Variants in EME2 observed in about 807,000 individuals in gnomAD.
The protein encoded by EME2 is structure-specific endonuclease subunit EME2.
In EME2, 58 loss-of-function variants were observed where a neutral mutation model predicts 41.9. The ratio of observed to expected loss-of-function variants is 1.38; its 90% CI spans 1.12 to 1.72. EME2 has a LOEUF of 1.72. EME2 is among the 40% of genes most tolerant of loss of function. The pLI is 0.00. For missense variants in EME2, 695 were observed against 541.9 expected, an observed-to-expected ratio of 1.28 and a Z score of -2.81; for synonymous variants, 334 against 239.3, an observed-to-expected ratio of 1.40 and a Z score of -3.65.
In EME2 at chr16:1,772,815, G is replaced by A; in HGVS notation, c.-413G>A. The A allele has an allele frequency of 6.9e-7, 1 of 1,446,822 alleles. No individual in the cohort carries two copies. Among genetic ancestry groups the A allele is most frequent in the Non-Finnish European group, 9.0e-7 (1 of 1,105,056 alleles). 89.6% of individuals were successfully genotyped at this position (1,446,822 alleles called of 1,614,324 possible). ...TGCACGCACCTGCGCCGTGTAGTCG[G>A]GCCGCACCCGCGTGAGGCGCCAGTA... On this transcript the variant is annotated 5_prime_UTR_variant, in exon 1 of 8. Coordinates refer to ENST00000568449, the MANE Select transcript of EME2 (RefSeq NM_001257370.2).
At chr16:1,773,598 CG>C in intron 1 of EME2, 106 bp from the exon 2 acceptor site, 1 of 1,526,528 alleles carries the variant, frequency 6.6e-7, no homozygotes. Flanking sequence ...GCCTCCCAGT[CG>C]GGGGTTTGTG....
Position 1,781,283 on chromosome 16 carries a change from G to C in EME2, c.*5045G>C. Reference sequence around the variant, plus strand: ...TTTCTCCGACTGATTCCGTGTTCAGGTAATGTCTGCCTGCCTGCCTAGGGC... The same window carrying C: ...TTTCTCCGACTGATTCCGTGTTCAGCTAATGTCTGCCTGCCTGCCTAGGGC... On this transcript the variant is annotated 3_prime_UTR_variant, in exon 8 of 8. Coordinates refer to ENST00000568449, the MANE Select transcript of EME2 (RefSeq NM_001257370.2). 1 of 1,611,878 alleles carries C rather than the reference G, an allele frequency of 6.2e-7. No homozygotes were observed. The highest frequency in any genetic ancestry group is 8.5e-7 in the Non-Finnish European group (1 of 1,179,928).
Position 1,776,837 on chromosome 16 carries a change from C to T in EME2, c.*599C>T. On this transcript the variant is annotated 3_prime_UTR_variant, in exon 8 of 8. Transcript: ENST00000568449. ...CCCTGTGGGAACAGCAACGCGGGCTCCAGCCAGGCTCTCGTCCTCGCAGCC... is the reference window on the plus strand; with the variant it reads ...CCCTGTGGGAACAGCAACGCGGGCTTCAGCCAGGCTCTCGTCCTCGCAGCC... 1 of 534,990 alleles carries T rather than the reference C, an allele frequency of 1.9e-6. No individual in the cohort carries two copies. The highest frequency in any genetic ancestry group is 3.3e-6 in the Non-Finnish European group (1 of 303,418). The allele number at this position is 534,990 out of a possible 1,614,324, so 33.1% of individuals were successfully genotyped here.
Position 1,777,171 on chromosome 16 carries a change from G to T in EME2, c.*933G>T. 6.2e-7 allele frequency: 1 copy of T among 1,611,026 alleles called. No homozygotes were observed. The highest frequency in any genetic ancestry group is 1.1e-5 in the South Asian group (1 of 91,078). The stretch of plus-strand genomic sequence containing the variant: ...CTGGGGTGGGCGGAGGTCGCTGCCT[G>T]GGGATCGGACACTGGAGCCTTGCGG... On this transcript the variant is annotated 3_prime_UTR_variant, in exon 8 of 8. Coordinates refer to ENST00000568449, the MANE Select transcript of EME2 (RefSeq NM_001257370.2).
rs1031946457 is a variant in EME2, at chr16:1,776,763, G to A, written c.*525G>A. 37 of 424,848 alleles carry A rather than the reference G, an allele frequency of 8.7e-5. No individual in the cohort carries two copies. Among genetic ancestry groups the A allele is most frequent in the Non-Finnish European group, 1.4e-4 (33 of 235,426 alleles). The allele number at this position is 424,848 out of a possible 1,614,324, so 26.3% of individuals were successfully genotyped here. A position where few individuals can be genotyped will look rare whatever the true frequency, so the allele number is the denominator to read the frequency against. ...TATTGCAGTCCTTTAAGTCTATGAC[G>A]GCGGGGCAGCCGCTGACAGCATGCA... On this transcript the variant is annotated 3_prime_UTR_variant, in exon 8 of 8. Transcript: ENST00000568449.
rs2042710319 is a variant in EME2 at position 1,776,184 on chromosome 16, C to T, written c.1086C>T (p.Ile362=). 6.2e-7 allele frequency: 1 copy of T among 1,612,544 alleles called. No individual in the cohort carries two copies. The highest frequency in any genetic ancestry group is 1.7e-5 in the Admixed American group (1 of 60,010). ...TGGGGCCTGACCTCTCCCGCCGCAT[C>T]TGCCTCTTCCTGACCACAGCCAACC... ...RRVGPDLSRR[I]CLFLTTANPD... Residue 362 remains isoleucine, a synonymous_variant, in exon 8 of 8, where the codon ATC becomes ATT. Transcript: ENST00000568449.
Position 1,773,422 on chromosome 16 carries a change from G to A in EME2, c.195G>A (p.Arg65=), listed in dbSNP as rs777414677. The part of the protein sequence containing the change: ...GERRAAAEAL[R]LLRPEQVLKR... ...GCAGGGCGGCTGCCGAGGCGTTGCG[G>A]CTGCTGCGGCCGGAGCAGGTCCTGA... Residue 65 remains arginine (R), a synonymous_variant, in exon 1 of 8, where the codon CGG becomes CGA. Coordinates refer to ENST00000568449, the MANE Select transcript of EME2 (RefSeq NM_001257370.2). 1 of 1,567,422 alleles carries A rather than the reference G, an allele frequency of 6.4e-7. No homozygotes were observed. Among genetic ancestry groups the A allele is most frequent in the Non-Finnish European group, 8.6e-7 (1 of 1,166,376 alleles).
At position 1,773,330 on chromosome 16, in the gene EME2, G is replaced by A. The variant is rs200988728; in HGVS notation, c.103G>A (p.Asp35Asn). 1,606 of 1,513,816 alleles carry A rather than the reference G, an allele frequency of 1.1e-3. 12 individuals are homozygous for A. In the Middle Eastern group the frequency reaches 0.011, roughly 10 times the overall value. 93.8% of individuals were successfully genotyped at this position (1,513,816 alleles called of 1,614,324 possible). A position where few individuals can be genotyped will look rare whatever the true frequency, so the allele number is the denominator to read the frequency against. Reference sequence around the variant, plus strand: ...GCGACCTCCAACCTGGGAGATCTCAGACTCCGACGCTGAGGACTCCGCCGG... The same window carrying A: ...GCGACCTCCAACCTGGGAGATCTCAAACTCCGACGCTGAGGACTCCGCCGG... ...QRRPPTWEIS[D>N]SDAEDSAGSE... The change falls in exon 1 of 8, where the codon GAC becomes AAC. Residue 35 changes from aspartate (D) to asparagine (N), a missense_variant. By Grantham distance (23) the Asp-to-Asn change is conservative. Coordinates refer to ENST00000568449, the MANE Select transcript of EME2 (RefSeq NM_001257370.2).
In EME2 at chr16:1,775,841, G is replaced by A. The variant is rs867402075; in HGVS notation, c.824G>A (p.Arg275His). ...GCCTTCTCCTTCTGCACAGCAGGGC[G>A]CTGGGCAGCCGGCGAGCCAGTGGCA... is the stretch of plus-strand genomic sequence containing the variant. The part of the protein sequence containing the change: ...SQAFSFCTAG[R>H]WAAGEPVARD... Residue 275 changes from arginine to histidine, a missense_variant, in exon 7 of 8, where the codon CGC becomes CAC. Physicochemically the swap from Arg to His is conservative, Grantham distance 29. Coordinates refer to ENST00000568449, the MANE Select transcript of EME2 (RefSeq NM_001257370.2). 1.2e-5 allele frequency: 20 copies of A among 1,612,082 alleles called. No individual in the cohort carries two copies. The highest frequency in any genetic ancestry group is 2.7e-5 in the African/African-American group (2 of 74,926).
At chr16:1,774,580 C>T (rs2042681012) in intron 3 of EME2, among the ~76,000 whole-genome samples, 1 of 152,256 alleles carries the variant, frequency 6.6e-6, no homozygotes, top group South Asian at 2.1e-4. Flanking sequence ...TGAGAAGTGT[C>T]AGGAGGCCGG....
In EME2 at chr16:1,779,311, G is replaced by A. The variant is rs2042759757; in HGVS notation, c.*3073G>A. 1 of 152,482 alleles carries A rather than the reference G, an allele frequency of 6.6e-6. No homozygotes were observed. Among genetic ancestry groups the A allele is most frequent in the African/African-American group, 2.4e-5 (1 of 41,460 alleles). 9.4% of individuals were successfully genotyped at this position (152,482 alleles called of 1,614,324 possible). On this transcript the variant is annotated 3_prime_UTR_variant, in exon 8 of 8. Transcript: ENST00000568449. ...GCCTCCTCCCTGTCACAGACTGTGT[G>A]GGGGCCACCCAGGGGCTGAATGGAC...
chr16:1,773,990 G>C, intron 2 of EME2, 149 bp downstream of exon 2: 1 of 1,130,104 alleles, frequency 8.8e-7, no homozygotes, highest in African/African-American at 1.6e-5. Context: ...GGAAGTGGAG[G>C]TGCCCAAGCC....
chr16:1,773,439 A>T lies in EME2; in HGVS notation c.212A>T (p.Gln71Leu), dbSNP rs201717218. 2.5e-6 allele frequency: 4 copies of T among 1,571,300 alleles called. No homozygotes were observed. Among genetic ancestry groups the T allele is most frequent in the Non-Finnish European group, 8.6e-7 (1 of 1,168,352 alleles). Residue 71 changes from glutamine to leucine, a missense_variant, in exon 1 of 8, where the codon CAG becomes CTG. Transcript: ENST00000568449. ...AEALRLLRPE[Q>L]VLKRLAVCVD... The stretch of plus-strand genomic sequence containing the variant: ...GCGTTGCGGCTGCTGCGGCCGGAGC[A>T]GGTCCTGAAGCGCCTCGCGGTGTGC...
chr16:1,775,502 A>G, intron 5 of EME2, 67 bp from the exon 6 acceptor site: 1 of 1,595,350 alleles, frequency 6.3e-7, no homozygotes, highest in Non-Finnish European at 8.6e-7. Context: ...TACATGGGGC[A>G]GCTATCAGCT....
At position 1,777,216 on chromosome 16, in the gene EME2, G is replaced by T. The variant is rs569814895; in HGVS notation, c.*978G>T. 1.2e-6 allele frequency: 2 copies of T among 1,610,638 alleles called. No homozygotes were observed. Among genetic ancestry groups the T allele is most frequent in the Non-Finnish European group, 1.7e-6 (2 of 1,179,832 alleles). ...TTGCGGCGGCTGCAACTCATGCTCA[G>T]GACCCAGCCCAGCTTGTTGTGTAGC... On this transcript the variant is annotated 3_prime_UTR_variant, in exon 8 of 8. Coordinates refer to ENST00000568449, the MANE Select transcript of EME2 (RefSeq NM_001257370.2).
rs760190597 is a variant in EME2, at chr16:1,775,653, G to T, written c.748G>T (p.Val250Phe). 6.2e-7 allele frequency: 1 copy of T among 1,612,898 alleles called. No homozygotes were observed. Among genetic ancestry groups the T allele is most frequent in the Non-Finnish European group, 8.5e-7 (1 of 1,180,020 alleles). ...GGAGCTGAGTCGGCACGTGTGCGCCGTTACCAAGGCTCTCGCCCAGTATCC... is the reference window on the plus strand; with the variant it reads ...GGAGCTGAGTCGGCACGTGTGCGCCTTTACCAAGGCTCTCGCCCAGTATCC... ...WQELSRHVCA[V>F]TKALAQYPLK... The change falls in exon 6 of 8, where the codon GTT becomes TTT. Residue 250 changes from valine (V) to phenylalanine (F), a missense_variant. Coordinates refer to ENST00000568449, the MANE Select transcript of EME2 (RefSeq NM_001257370.2).
In EME2 at chr16:1,781,603, A is replaced by C; in HGVS notation, c.*5365A>C. On this transcript the variant is annotated 3_prime_UTR_variant, in exon 8 of 8. Coordinates refer to ENST00000568449, the MANE Select transcript of EME2 (RefSeq NM_001257370.2). Reference sequence around the variant, plus strand: ...TCAAAGTGGGGACTGCAGGGGCCGCACCGGTGCCCAGCCAGGGCTCCAGAA... The same window carrying C: ...TCAAAGTGGGGACTGCAGGGGCCGCCCCGGTGCCCAGCCAGGGCTCCAGAA... The C allele has an allele frequency of 1.6e-6, 2 of 1,226,524 alleles. No homozygotes were observed. Among genetic ancestry groups the C allele is most frequent in the Non-Finnish European group, 2.3e-6 (2 of 888,704 alleles). The allele number at this position is 1,226,524 out of a possible 1,614,324, so 76.0% of individuals were successfully genotyped here.
rs752746952 is a variant in EME2, at chr16:1,777,381, G to A, written c.*1143G>A. The A allele has an allele frequency of 1.2e-5, 19 of 1,596,898 alleles. No individual in the cohort carries two copies. Among genetic ancestry groups the A allele is most frequent in the Admixed American group, 1.0e-4 (6 of 59,358 alleles). ...GAGCGGGTGACCTTCATGCTGCTCC[G>A]GGCCGCCGTGGAGCACACCATCGGG... On this transcript the variant is annotated 3_prime_UTR_variant, in exon 8 of 8. Transcript: ENST00000568449.
chr16:1,775,041 A>G lies in EME2; in HGVS notation c.478A>G (p.Ile160Val), dbSNP rs765777040. Residue 160 changes from isoleucine (I) to valine (V), a missense_variant and splice_region_variant, in exon 4 of 8, where the codon ATC becomes GTC. Ile to Val is a conservative substitution (Grantham distance 29, BLOSUM62 3). Transcript: ENST00000568449. ...CTGTGCCACACGTTCTCATCTTCAGATCTCTGGCCCAACCCACTGGGTGCC... is the reference window on the plus strand; with the variant it reads ...CTGTGCCACACGTTCTCATCTTCAGGTCTCTGGCCCAACCCACTGGGTGCC... ...FLQGVATLTQ[I>V]SGPTHWVPWI... 7 of 1,608,228 alleles carry G rather than the reference A, an allele frequency of 4.4e-6. No homozygotes were observed. The highest frequency in any genetic ancestry group is 1.1e-5 in the South Asian group (1 of 91,020).
Sources: gnomAD v4.1 joint callset for allele counts (sites outside exome capture counted in the v4.1 genomes callset) on GRCh38, gnomAD v4.1.1 for gene constraint, MANE v1.5 for transcripts, NCBI Gene and HGNC (gene_info 2026-07-23, HGNC 2026-07-21) for gene names.